RFX3: variants seen among roughly 807,000 people sequenced by gnomAD.
RFX3 encodes regulatory factor X3.
RFX3 carries 14 observed loss-of-function variants against 98.6 expected under a neutral mutation model. That is an observed-to-expected ratio of 0.14 (90% confidence interval 0.09 to 0.22). RFX3 has a LOEUF of 0.22. RFX3 is among the 10% of genes least tolerant of loss of function. The probability of loss-of-function intolerance (pLI) is 1.00; values close to 1 mark genes in which losing one functional copy is unlikely to be tolerated. For missense variants in RFX3, 639 were observed against 926.9 expected (o/e 0.69, Z 4.03); for synonymous variants, 383 against 328.4 (o/e 1.17, Z -1.80).
chr9:3,453,153 C>A (rs1846823005), intron 1 of RFX3, among the ~76,000 whole-genome samples: 1 of 151,982 alleles, frequency 6.6e-6, no homozygotes, highest in Non-Finnish European at 1.5e-5. Flanking sequence ...CTATTATGGT[C>A]ATTATCAGTA....
chr9:3,272,441 A>G (rs1824622846), intron 9 of RFX3, among the ~76,000 whole-genome samples: 1 of 152,244 alleles, frequency 6.6e-6, no homozygotes, highest in African/African-American at 2.4e-5. Flanking sequence ...CTGGTATGAA[A>G]TATATTCTAA....
intron 4 of RFX3, among the ~76,000 whole-genome samples, chr9:3,312,248 G>C (rs759154842): frequency 2.0e-5 from 3 of 152,162 alleles, no homozygotes; most frequent in African/African-American, 2.4e-5. Context: ...ATGTACATAT[G>C]AGTGAGTATT....
intron 4 of RFX3, among the ~76,000 whole-genome samples, chr9:3,305,534 G>C (rs926269327): frequency 5.3e-5 from 8 of 151,880 alleles, no homozygotes; most frequent in African/African-American, 1.9e-4. Context: ...GTGAGGGTGA[G>C]GAAGAGGCAA....
intron 14 of RFX3, among the ~76,000 whole-genome samples, chr9:3,250,830 G>A (rs1821300540): frequency 6.6e-6 from 1 of 151,732 alleles, no homozygotes; most frequent in Non-Finnish European, 1.5e-5. Flanking sequence ...GTTGAAGCAA[G>A]ATACATGAGC....
intron 3 of RFX3, among the ~76,000 whole-genome samples, chr9:3,346,258 C>T (rs1834429966): frequency 6.6e-6 from 1 of 152,100 alleles, no homozygotes; most frequent in South Asian, 2.1e-4. Flanking sequence ...GTTCAAAAAT[C>T]CCAAACTCCT....
chr9:3,341,147 C>T (rs1472582497), intron 3 of RFX3, among the ~76,000 whole-genome samples: 7 of 151,900 alleles, frequency 4.6e-5, no homozygotes, highest in South Asian at 2.1e-4. Flanking sequence ...AGCAAACTAT[C>T]GCAGGGACAA....
At chr9:3,431,044 G>A (rs1468251326) in intron 1 of RFX3, among the ~76,000 whole-genome samples, 1 of 152,132 alleles carries the variant, frequency 6.6e-6, no homozygotes, top group Non-Finnish European at 1.5e-5. Flanking sequence ...AATAATAACT[G>A]CATAAAATTA....
chr9:3,470,618 G>A (rs967946471), intron 1 of RFX3, among the ~76,000 whole-genome samples: 4 of 151,910 alleles, frequency 2.6e-5, no homozygotes, highest in Admixed American at 6.6e-5. Flanking sequence ...GTGAGCCACC[G>A]CACCGGGCCA....
At chr9:3,503,963 C>G (rs949802367) in intron 1 of RFX3, among the ~76,000 whole-genome samples, 2 of 151,346 alleles carry the variant, frequency 1.3e-5, no homozygotes, top group Non-Finnish European at 2.9e-5. Context: ...ACTTTTAACA[C>G]TTCATGTGCA....
chr9:3,516,407 T>C (rs1048805478), intron 1 of RFX3, among the ~76,000 whole-genome samples: 1 of 152,212 alleles, frequency 6.6e-6, no homozygotes, highest in Non-Finnish European at 1.5e-5. Context: ...AAGACTATTT[T>C]TCTGCTACCA....
At chr9:3,434,084 G>T (rs1157472564) in intron 1 of RFX3, among the ~76,000 whole-genome samples, 1 of 152,078 alleles carries the variant, frequency 6.6e-6, no homozygotes, top group Non-Finnish European at 1.5e-5. Flanking sequence ...TGGGGCCTGA[G>T]ATTCTGCATT....
chr9:3,324,533 A>T (rs902196561), intron 4 of RFX3, among the ~76,000 whole-genome samples: 1 of 151,666 alleles, frequency 6.6e-6, no homozygotes, highest in Non-Finnish European at 1.5e-5. Flanking sequence ...AGTCTCCAAG[A>T]CATATTGTTA....
chr9:3,241,781 G>C (rs1819960607), intron 15 of RFX3, among the ~76,000 whole-genome samples: 1 of 152,100 alleles, frequency 6.6e-6, no homozygotes, highest in African/African-American at 2.4e-5. Context: ...TTCTTTTCCG[G>C]CAGATTTAGT....
At chr9:3,247,254 T>TA in intron 15 of RFX3, 1 of 686,694 alleles carries the variant, frequency 1.5e-6, no homozygotes, top group Non-Finnish European at 1.6e-6. Context: ...AACCAGCCCT[T>TA]GTTATATTCA....
At position 3,490,362 on chromosome 9, in the gene RFX3, A is replaced by G. The variant is rs1167856842; in HGVS notation, c.-9+35385T>C. 4 of 952,766 alleles carry G rather than the reference A, an allele frequency of 4.2e-6. No individual in the cohort carries two copies. In the African/African-American group the frequency reaches 7.1e-5, roughly 17 times the overall value. The allele number at this position is 952,766 out of a possible 1,614,324, so 59.0% of individuals were successfully genotyped here. ...CCAAGTGGCCTAAAATATTAAAAGC[A>G]AGAACAATTAGTTCACATTAAAAAT... On this transcript the variant is annotated intron_variant, in intron 1 of 16. Coordinates refer to ENST00000617270, the MANE Select transcript of RFX3 (RefSeq NM_001282116.2).
intron 2 of RFX3, among the ~76,000 whole-genome samples, chr9:3,389,928 C>T (rs577706849): frequency 6.6e-6 from 1 of 152,212 alleles, no homozygotes; most frequent in Admixed American, 6.6e-5. Context: ...AATTCTCTAT[C>T]CCTGAACCAT....
intron 1 of RFX3, among the ~76,000 whole-genome samples, chr9:3,407,595 G>C (rs561322725): frequency 1.4e-3 from 214 of 152,002 alleles, no homozygotes; most frequent in Admixed American, 2.4e-3. Flanking sequence ...TGCAGTATTA[G>C]GCTAATAATA....
chr9:3,386,292 C>A (rs1177727470), intron 2 of RFX3, among the ~76,000 whole-genome samples: 2 of 151,842 alleles, frequency 1.3e-5, no homozygotes, highest in African/African-American at 2.4e-5. Flanking sequence ...AATTCTACTA[C>A]TATTACTACT....
intron 1 of RFX3, among the ~76,000 whole-genome samples, chr9:3,495,834 T>C (rs1851073306): frequency 6.6e-6 from 1 of 152,090 alleles, no homozygotes; most frequent in South Asian, 2.1e-4. Flanking sequence ...TTCAAACCAT[T>C]ATTATATTTC....
Sources: gnomAD v4.1 joint callset for allele counts (sites outside exome capture counted in the v4.1 genomes callset) on GRCh38, gnomAD v4.1.1 for gene constraint, MANE v1.5 for transcripts, NCBI Gene and HGNC (gene_info 2026-07-23, HGNC 2026-07-21) for gene names.